NDUFAF6: variants seen among roughly 807,000 people sequenced by gnomAD.
NDUFAF6 encodes NADH:ubiquinone oxidoreductase complex assembly factor 6, also known as NADH dehydrogenase (ubiquinone) complex I, assembly factor 6.
NDUFAF6 carries 45 observed loss-of-function variants against 40.8 expected under a neutral mutation model. That is an observed-to-expected ratio of 1.10 (90% confidence interval 0.87 to 1.42). NDUFAF6 has a LOEUF of 1.42. Ranked by LOEUF, NDUFAF6 falls within the 40% of genes most tolerant of loss-of-function variation. The pLI is 0.00. For missense variants in NDUFAF6, 435 were observed against 418.5 expected (o/e 1.04, Z -0.34); for synonymous variants, 185 against 155.9 (o/e 1.19, Z -1.39).
intron 1 of NDUFAF6, chr8:94,926,719 T>G (rs1285272311): frequency 1.3e-5 from 2 of 152,266 alleles, no homozygotes. Flanking sequence ...CAAAGGATAC[T>G]GTTGCACATA....
At chr8:94,998,589 C>A (rs1338922511) in intron 2 of NDUFAF6, among the ~76,000 whole-genome samples, 1 of 152,106 alleles carries the variant, frequency 6.6e-6, no homozygotes, top group African/African-American at 2.4e-5. Context: ...TGGTGTGGGG[C>A]CCTAGTGACA....
intron 1 of NDUFAF6, among the ~76,000 whole-genome samples, chr8:94,963,778 G>A (rs898936349): frequency 1.3e-5 from 2 of 152,132 alleles, no homozygotes; most frequent in South Asian, 2.1e-4. Flanking sequence ...GGGGCTGAAA[G>A]GCAAGAGCCA....
chr8:94,910,959 G>A (rs1480050101), intron 1 of NDUFAF6, among the ~76,000 whole-genome samples: 2 of 152,126 alleles, frequency 1.3e-5, no homozygotes, highest in African/African-American at 2.4e-5. Context: ...TGATACATTC[G>A]TAAGTGATAA....
upstream of NDUFAF6, among the ~76,000 whole-genome samples, chr8:95,100,167 A>C (rs977918968): frequency 6.6e-6 from 1 of 152,160 alleles, no homozygotes; most frequent in Admixed American, 6.6e-5. Context: ...CTGTGTAAGG[A>C]ATAAATGAGC....
At chr8:94,980,147 T>C (rs1490936266) in intron 1 of NDUFAF6, among the ~76,000 whole-genome samples, 2 of 150,960 alleles carry the variant, frequency 1.3e-5, no homozygotes, top group Non-Finnish European at 3.0e-5. Flanking sequence ...ATAGTGGTTA[T>C]GCTTACATGG....
At chr8:94,900,181 G>A (rs577949) in intron 1 of NDUFAF6, among the ~76,000 whole-genome samples, 7,803 of 151,918 alleles carry the variant, frequency 0.051, 254 homozygotes, top group Middle Eastern at 0.065. Context: ...GGGGACAGGG[G>A]CTGTCTCTTT....
At position 95,038,827 on chromosome 8, in the gene NDUFAF6, G is replaced by A. The variant is rs553625669; in HGVS notation, c.421-2743G>A. On this transcript the variant is annotated intron_variant, in intron 3 of 8. Transcript: ENST00000396124. ...GGAGTAGCTGGGACTACAGGTGTGTGCCACAATGCCCAACTAATTTTTGTA... is the reference window on the plus strand; with the variant it reads ...GGAGTAGCTGGGACTACAGGTGTGTACCACAATGCCCAACTAATTTTTGTA... Among the ~76,000 whole-genome samples, 28 of 152,016 alleles carry A rather than the reference G, an allele frequency of 1.8e-4. 1 individual carries two copies. In the East Asian group the frequency reaches 5.3e-3, roughly 29 times the overall value.
intron 1 of NDUFAF6, among the ~76,000 whole-genome samples, chr8:95,025,485 G>A (rs1226113170): frequency 6.6e-6 from 1 of 152,210 alleles, no homozygotes; most frequent in Non-Finnish European, 1.5e-5. Flanking sequence ...GTTTTTGCAT[G>A]AATAACCTTT....
intron 7 of NDUFAF6, among the ~76,000 whole-genome samples, chr8:95,051,585 A>G (rs1831438191): frequency 6.6e-6 from 1 of 152,184 alleles, no homozygotes; most frequent in African/African-American, 2.4e-5. Context: ...CATCAGCCTG[A>G]GTGACCAGGT....
At chr8:94,938,608 A>G (rs567219131) in intron 1 of NDUFAF6, among the ~76,000 whole-genome samples, 22 of 152,320 alleles carry the variant, frequency 1.4e-4, no homozygotes, top group South Asian at 6.2e-4. Context: ...CCAATGGCCA[A>G]TGATTTAATC....
At chr8:95,105,493 G>A (rs1284659308), downstream of NDUFAF6, among the ~76,000 whole-genome samples, 2 of 151,968 alleles carry the variant, frequency 1.3e-5, no homozygotes, top group Non-Finnish European at 2.9e-5. Context: ...CCAAGTAGCT[G>A]GGATTACAGG....
intron 8 of NDUFAF6, 79 bp downstream of exon 8, chr8:95,052,309 C>T (rs764826890): frequency 7.1e-5 from 103 of 1,451,612 alleles, no homozygotes; most frequent in Non-Finnish European, 9.8e-5. Context: ...ATAAAGTTCC[C>T]AATGAACTTC....
chr8:95,037,756 T>C (rs545152947), intron 3 of NDUFAF6, among the ~76,000 whole-genome samples: 1 of 152,340 alleles, frequency 6.6e-6, no homozygotes, highest in South Asian at 2.1e-4. Context: ...ATCCCTAGAT[T>C]TTATGTTTCA....
chr8:94,927,607 T>C (rs1820007606), intron 1 of NDUFAF6: 1 of 152,144 alleles, frequency 6.6e-6, no homozygotes, highest in South Asian at 2.1e-4. Context: ...AGATAAATAA[T>C]GGATGGCTAA....
At chr8:94,932,601 A>G (rs1317583475) in intron 1 of NDUFAF6, among the ~76,000 whole-genome samples, 1 of 152,060 alleles carries the variant, frequency 6.6e-6, no homozygotes, top group African/African-American at 2.4e-5. Flanking sequence ...CAGGAGATCA[A>G]GACCATCCTG....
Position 95,042,088 on chromosome 8 carries a change from C to T in NDUFAF6, c.477+462C>T, listed in dbSNP as rs76226789. On this transcript the variant is annotated intron_variant, in intron 4 of 8. Coordinates refer to ENST00000396124, the MANE Select transcript of NDUFAF6 (RefSeq NM_152416.4). ...TAATATCATCAAATACTTGATTAGT[C>T]ATACACATACCTTTAAATATACCCC... 8.3e-3 allele frequency among the ~76,000 whole-genome samples: 1,267 copies of T among 152,256 alleles called. 13 individuals carry two copies. The highest frequency in any genetic ancestry group is 0.028 in the African/African-American group (1,179 of 41,536).
chr8:94,932,498 T>C (rs534504449), intron 1 of NDUFAF6, among the ~76,000 whole-genome samples: 2 of 152,346 alleles, frequency 1.3e-5, no homozygotes, highest in East Asian at 1.9e-4. Flanking sequence ...TTAGCAAGAC[T>C]TCCTTATAAG....
At chr8:94,937,640 AT>A (rs553902167) in intron 1 of NDUFAF6, among the ~76,000 whole-genome samples, 10 of 150,940 alleles carry the variant, frequency 6.6e-5, no homozygotes, top group South Asian at 2.1e-4. Flanking sequence ...ACATCACCTC[AT>A]TTTTTTTTCC....
intron 9 of NDUFAF6, among the ~76,000 whole-genome samples, chr8:95,074,087 T>C (rs900071585): frequency 2.6e-5 from 4 of 151,912 alleles, no homozygotes; most frequent in African/African-American, 9.7e-5. Context: ...TGGGTAAGGG[T>C]TGGGATGGAA....
Sources: gnomAD v4.1 joint callset for allele counts (sites outside exome capture counted in the v4.1 genomes callset) on GRCh38, gnomAD v4.1.1 for gene constraint, MANE v1.5 for transcripts, NCBI Gene and HGNC (gene_info 2026-07-23, HGNC 2026-07-21) for gene names.